The following SLC17A3 variants were observed in gnomAD, a reference collection of about 807,000 sequenced individuals.
SLC17A3 encodes the protein sodium-dependent phosphate transport protein 4.
In SLC17A3, 61 loss-of-function variants were observed where a neutral mutation model predicts 60.3. The observed-to-expected ratio is 1.01, with a 90% CI of 0.82 to 1.25. The LOEUF is 1.25. Among genes scored for constraint, SLC17A3 ranks in the 50% most tolerant of loss-of-function variants. SLC17A3 has a pLI of 0.00. For missense variants in SLC17A3, 624 were observed against 594.9 expected (o/e 1.05, Z -0.51); for synonymous variants, 192 against 208.9 (o/e 0.92, Z 0.70).
chr6:25,869,552 A>T (rs1765603409), intron 1 of SLC17A3, among the ~76,000 whole-genome samples: 1 of 152,000 alleles, frequency 6.6e-6, no homozygotes, highest in African/African-American at 2.4e-5. Context: ...ATAAAGAAAA[A>T]GAGGTTTAAT....
intron 1 of SLC17A3, among the ~76,000 whole-genome samples, chr6:25,868,979 C>T (rs1289525378): frequency 6.6e-6 from 1 of 152,002 alleles, no homozygotes; most frequent in African/African-American, 2.4e-5. Flanking sequence ...AACTCCCACA[C>T]TGCTTCCTCA....
chr6:25,847,311 A>G (rs1293135366), intron 11 of SLC17A3, among the ~76,000 whole-genome samples: 2 of 152,172 alleles, frequency 1.3e-5, no homozygotes, highest in African/African-American at 2.4e-5. Flanking sequence ...CCAATCTGTC[A>G]TTGATGGGCA....
rs375777292 is a variant in SLC17A3 at position 25,861,818 on chromosome 6, C to G, written c.515G>C (p.Arg172Pro). 2 of 1,613,494 alleles carry G rather than the reference C, an allele frequency of 1.2e-6. No individual in the cohort carries two copies. Among genetic ancestry groups the G allele is most frequent in the South Asian group, 2.2e-5 (2 of 91,034 alleles). Residue 172 changes from arginine (R) to proline (P), a missense_variant, in exon 4 of 13, where the codon CGA becomes CCA. Physicochemically the swap from Arg to Pro is moderately radical, Grantham distance 103. Transcript: ENST00000397060. ...TACCTGGCTTAGGCCCTGGACTATTCGAGTTACAATGAGCAAGACTATTCC... is the reference window on the plus strand; with the variant it reads ...TACCTGGCTTAGGCCCTGGACTATTGGAGTTACAATGAGCAAGACTATTCC... ...DFGIVLLIVT[R>P]IVQGLSQSSI...
intron 1 of SLC17A3, among the ~76,000 whole-genome samples, chr6:25,872,290 A>G (rs1463756898): frequency 6.8e-6 from 1 of 147,190 alleles, no homozygotes; most frequent in African/African-American, 2.5e-5. Context: ...TAATGTCATG[A>G]TGGTAGCTTG....
intron 5 of SLC17A3, among the ~76,000 whole-genome samples, chr6:25,858,424 C>T (rs987435201): frequency 6.6e-6 from 1 of 152,178 alleles, no homozygotes; most frequent in African/African-American, 2.4e-5. Context: ...ACTTGCTCAA[C>T]CCCAGCAGCA....
At chr6:25,862,572 T>A in intron 2 of SLC17A3, 128 bp from the exon 3 acceptor site, 1 of 813,904 alleles carries the variant, frequency 1.2e-6, no homozygotes, top group South Asian at 1.5e-5. Flanking sequence ...ACACTTCTGT[T>A]GGCTTTATGA....
At chr6:25,851,201 AT>A (rs1765270718) in intron 6 of SLC17A3, among the ~76,000 whole-genome samples, 1 of 142,722 alleles carries the variant, frequency 7.0e-6, no homozygotes, top group Admixed American at 6.9e-5. Flanking sequence ...TCATGTGCCT[AT>A]TTTCCCCCTA....
At position 25,850,781 on chromosome 6, in the gene SLC17A3, A is replaced by T; in HGVS notation, c.809T>A (p.Ile270Asn). ...TACCTGTTGTTTCAAGGAGGATATGATGTATTCTTTTTCTGAGGTGCTTAT... is the reference window on the plus strand; with the variant it reads ...TACCTGTTGTTTCAAGGAGGATATGTTGTATTCTTTTTCTGAGGTGCTTAT... The part of the protein sequence containing the change: ...PWISTSEKEY[I>N]ISSLKQQVGS... Residue 270 changes from isoleucine to asparagine, a missense_variant, in exon 7 of 13, where the codon ATC becomes AAC. Transcript: ENST00000397060. 6.2e-7 allele frequency: 1 copy of T among 1,613,656 alleles called. No individual in the cohort carries two copies. The highest frequency in any genetic ancestry group is 8.5e-7 in the Non-Finnish European group (1 of 1,179,578).
chr6:25,865,925 CAT>C (rs1288435862), intron 2 of SLC17A3, among the ~76,000 whole-genome samples: 4 of 152,066 alleles, frequency 2.6e-5, no homozygotes, highest in Middle Eastern at 3.4e-3. Context: ...ACCATGAAAT[CAT>C]AGGTTTTTGA....
rs1294328035 is a variant in SLC17A3 at position 25,862,299 on chromosome 6, G to A, written c.237C>T (p.Ser79=). The A allele has an allele frequency of 1.2e-6, 2 of 1,613,866 alleles. No homozygotes were observed. The highest frequency in any genetic ancestry group is 2.2e-5 in the East Asian group (1 of 44,858). ...ATGAGTCAACAGGCAGCACCTCAGA[G>A]GAATCATTGAGCTGGGATTGAGGGC... ...STSPQSQLND[S]SEVLPVDSFG... The change falls in exon 3 of 13, where the codon TCC becomes TCT. Residue 79 remains serine, a synonymous_variant. Coordinates refer to ENST00000397060, the MANE Select transcript of SLC17A3 (RefSeq NM_001098486.2).
chr6:25,865,410 A>G (rs1190027718), intron 2 of SLC17A3, among the ~76,000 whole-genome samples: 2 of 151,974 alleles, frequency 1.3e-5, no homozygotes, highest in Non-Finnish European at 2.9e-5. Flanking sequence ...TATCTTTGTA[A>G]GGGTTTTTTT....
intron 1 of SLC17A3, among the ~76,000 whole-genome samples, chr6:25,872,429 AGT>A (rs542749163): frequency 3.0e-4 from 46 of 151,250 alleles, no homozygotes; most frequent in African/African-American, 1.0e-3. Flanking sequence ...TGTTCATCTA[AGT>A]GTGTGTGTCT....
chr6:25,855,107 C>T, intron 6 of SLC17A3, 37 bp downstream of exon 6: 1 of 1,276,688 alleles, frequency 7.8e-7, no homozygotes, highest in Non-Finnish European at 1.1e-6. Context: ...AATCTTTCTG[C>T]ATATGAAACT....
chr6:25,858,768 C>G (rs575774132), intron 5 of SLC17A3, among the ~76,000 whole-genome samples: 1 of 152,310 alleles, frequency 6.6e-6, no homozygotes, highest in Non-Finnish European at 1.5e-5. Context: ...AGATGCCTAA[C>G]AGTTCATGGC....
chr6:25,857,055 G>A (rs1765368601), intron 5 of SLC17A3, among the ~76,000 whole-genome samples: 1 of 151,704 alleles, frequency 6.6e-6, no homozygotes, highest in African/African-American at 2.4e-5. Context: ...CAGACATGGT[G>A]GTGCCTGACT....
At chr6:25,853,296 T>TCTCA (rs1230055256) in intron 6 of SLC17A3, among the ~76,000 whole-genome samples, 1 of 151,232 alleles carries the variant, frequency 6.6e-6, no homozygotes. Context: ...TCTCTCTTTC[T>TCTCA]CTCTCTCTCC....
intron 6 of SLC17A3, among the ~76,000 whole-genome samples, chr6:25,853,479 G>A (rs1485486947): frequency 1.5e-5 from 2 of 132,160 alleles, no homozygotes; most frequent in Non-Finnish European, 3.1e-5. Context: ...GCAGTGGTGC[G>A]ATCTTGGCTC....
chr6:25,872,162 T>C (rs1301447858), intron 1 of SLC17A3, among the ~76,000 whole-genome samples: 2 of 151,998 alleles, frequency 1.3e-5, no homozygotes, highest in Non-Finnish European at 2.9e-5. Context: ...TCATAATTAT[T>C]TCATGGCATT....
At chr6:25,851,372 C>G (rs1323678347) in intron 6 of SLC17A3, among the ~76,000 whole-genome samples, 5 of 151,884 alleles carry the variant, frequency 3.3e-5, no homozygotes, top group African/African-American at 1.2e-4. Flanking sequence ...ATTATCCTAA[C>G]AATGCCTTTT....
Sources: gnomAD v4.1 joint callset for allele counts (sites outside exome capture counted in the v4.1 genomes callset) on GRCh38, gnomAD v4.1.1 for gene constraint, MANE v1.5 for transcripts, NCBI Gene and HGNC (gene_info 2026-07-23, HGNC 2026-07-21) for gene names.